GABRG3: variants seen among roughly 807,000 people sequenced by gnomAD.
GABRG3 encodes the protein gamma-aminobutyric acid receptor subunit gamma-3.
Under a neutral mutation model 48.8 loss-of-function variants are expected in GABRG3, and 25 were observed. That is an observed-to-expected ratio of 0.51 (90% CI 0.37 to 0.72). GABRG3 has a LOEUF of 0.72. GABRG3 is among the 30% of genes least tolerant of loss of function. The pLI is 0.00. For synonymous variants in GABRG3, 227 were observed against 217.6 expected, an observed-to-expected ratio of 1.04 and a Z score of -0.38; for missense variants, 394 against 577.9, an observed-to-expected ratio of 0.68 and a Z score of 3.26.
intron 3 of GABRG3, among the ~76,000 whole-genome samples, chr15:27,097,329 G>A (rs945238659): frequency 1.3e-5 from 2 of 152,010 alleles, no homozygotes; most frequent in African/African-American, 2.4e-5. Context: ...CTGGGTACTT[G>A]GGGCTTAGAA....
intron 5 of GABRG3, chr15:27,363,591 G>A (rs188275831): frequency 1.3e-5 from 2 of 152,058 alleles, no homozygotes; most frequent in Non-Finnish European, 2.9e-5. Context: ...GGATTCAGCA[G>A]AGGGAAAAAC....
chr15:27,509,902 C>A (rs976212867), intron 6 of GABRG3, among the ~76,000 whole-genome samples: 6 of 152,132 alleles, frequency 3.9e-5, no homozygotes, highest in Non-Finnish European at 7.3e-5. Context: ...TTTTGTATGT[C>A]CCATAATTTT....
intron 5 of GABRG3, among the ~76,000 whole-genome samples, chr15:27,408,271 G>A (rs1211311320): frequency 1.3e-5 from 2 of 152,186 alleles, no homozygotes; most frequent in African/African-American, 2.4e-5. Flanking sequence ...TAAGAGGACT[G>A]CCCTGGGGCC....
chr15:26,998,318 A>G (rs1250309931), intron 2 of GABRG3, among the ~76,000 whole-genome samples: 1 of 152,202 alleles, frequency 6.6e-6, no homozygotes, highest in Non-Finnish European at 1.5e-5. Context: ...GTTCCAAATG[A>G]TGCCATCCTC....
chr15:27,259,847 G>A (rs185784197), intron 3 of GABRG3, among the ~76,000 whole-genome samples: 119 of 152,264 alleles, frequency 7.8e-4, no homozygotes, highest in African/African-American at 2.7e-3. Flanking sequence ...AAGATCAAAC[G>A]CCAAATTCAA....
At chr15:27,170,758 CAAAT>C (rs1211133249) in intron 3 of GABRG3, among the ~76,000 whole-genome samples, 2 of 152,110 alleles carry the variant, frequency 1.3e-5, no homozygotes, top group African/African-American at 4.8e-5. Flanking sequence ...AAGAATGTAA[CAAAT>C]AAGATGTGGG....
intron 5 of GABRG3, among the ~76,000 whole-genome samples, chr15:27,405,079 A>G (rs1185351524): frequency 6.6e-6 from 1 of 152,230 alleles, no homozygotes; most frequent in African/African-American, 2.4e-5. Context: ...GCTTCCCCAG[A>G]AACCTGTTAT....
Position 26,971,405 on chromosome 15 carries a change from T to C in GABRG3, c.-131T>C. The C allele has an allele frequency of 3.0e-6, 2 of 666,942 alleles. No individual in the cohort carries two copies. Among genetic ancestry groups the C allele is most frequent in the East Asian group, 7.1e-5 (2 of 28,194 alleles). 41.3% of individuals were successfully genotyped at this position (666,942 alleles called of 1,614,324 possible). On this transcript the variant is annotated 5_prime_UTR_variant, in exon 1 of 10. Coordinates refer to ENST00000615808, the MANE Select transcript of GABRG3 (RefSeq NM_033223.5). ...CGCGGCCAGCGCCAGAGTAGATACC[T>C]GTCCCGCCCGCCGCGGCCAGCAGCC...
chr15:27,236,645 G>A lies in GABRG3; in HGVS notation c.271-90164G>A, dbSNP rs1755775391. Among the ~76,000 whole-genome samples the A allele has an allele frequency of 6.6e-6, 1 of 152,160 alleles. No individual in the cohort carries two copies. Reference sequence around the variant, plus strand: ...CCAGTTTCACAATACACCTGTTCCTGATTAGAGACCACCAGCCACAGAGTG... The same window carrying A: ...CCAGTTTCACAATACACCTGTTCCTAATTAGAGACCACCAGCCACAGAGTG... On this transcript the variant is annotated intron_variant, in intron 3 of 9. Transcript: ENST00000615808. This position sits in a 1 kb window ranked among gnomAD's most constrained non-coding sequence, Gnocchi z 4.4.
intron 2 of GABRG3, among the ~76,000 whole-genome samples, chr15:27,005,059 C>T (rs1895556491): frequency 6.6e-6 from 1 of 152,024 alleles, no homozygotes; most frequent in Non-Finnish European, 1.5e-5. Context: ...TTATTTTATT[C>T]TATTTTATTT....
chr15:27,308,029 GTT>G (rs1892741013), intron 3 of GABRG3, among the ~76,000 whole-genome samples: 1 of 135,672 alleles, frequency 7.4e-6, no homozygotes, highest in African/African-American at 2.7e-5. Flanking sequence ...AAATAAACAT[GTT>G]TATATGTAAA....
chr15:27,505,779 G>A (rs1890745648), intron 6 of GABRG3, among the ~76,000 whole-genome samples: 1 of 152,170 alleles, frequency 6.6e-6, no homozygotes, highest in Non-Finnish European at 1.5e-5. Flanking sequence ...AATAGAGTAA[G>A]TTGGGTATAG....
chr15:27,119,094 C>T (rs1325210692), intron 3 of GABRG3, among the ~76,000 whole-genome samples: 1 of 152,100 alleles, frequency 6.6e-6, no homozygotes, highest in Non-Finnish European at 1.5e-5. Flanking sequence ...TCCCTGTACC[C>T]GGAGGAAAGG....
intron 2 of GABRG3, among the ~76,000 whole-genome samples, chr15:26,996,654 T>A (rs955645962): frequency 4.0e-5 from 6 of 150,316 alleles, no homozygotes; most frequent in Non-Finnish European, 7.4e-5. Flanking sequence ...ATTTATTTTA[T>A]TTTAATTTTT....
At chr15:27,446,627 T>TA (rs1888954126) in intron 5 of GABRG3, among the ~76,000 whole-genome samples, 1 of 152,342 alleles carries the variant, frequency 6.6e-6, no homozygotes, top group East Asian at 1.9e-4. Context: ...TTATGTATTT[T>TA]ATTCTTTTTG....
Position 27,320,971 on chromosome 15 carries a change from C to T in GABRG3, c.271-5838C>T, listed in dbSNP as rs371624959. Among the ~76,000 whole-genome samples, 169 of 152,300 alleles carry T rather than the reference C, an allele frequency of 1.1e-3. 1 individual carries two copies. The highest frequency in any genetic ancestry group is 3.8e-3 in the African/African-American group (159 of 41,552). ...CACGTGCCCCTCTGTGGCAACAGGG[C>T]GTCACCCCCTGCTATGCTTCCCCGG... is the stretch of plus-strand genomic sequence containing the variant. On this transcript the variant is annotated intron_variant, in intron 3 of 9. Coordinates refer to ENST00000615808, the MANE Select transcript of GABRG3 (RefSeq NM_033223.5).
chr15:27,451,335 CAG>C (rs2140641598), intron 5 of GABRG3, among the ~76,000 whole-genome samples: 1 of 152,142 alleles, frequency 6.6e-6, no homozygotes, highest in Admixed American at 6.5e-5. Flanking sequence ...GACACAAAAA[CAG>C]AAACACAAAC....
rs781128159 is a variant in GABRG3, at chr15:27,519,865, G to T, written c.713-107G>T. On this transcript the variant is annotated intron_variant, in intron 6 of 9. Coordinates refer to ENST00000615808, the MANE Select transcript of GABRG3 (RefSeq NM_033223.5). Reference sequence around the variant, plus strand: ...CCTGATTTGATATTGTTGTAGTTGTGCATTTTTATCCAAGTCATTCACTTA... The same window carrying T: ...CCTGATTTGATATTGTTGTAGTTGTTCATTTTTATCCAAGTCATTCACTTA... The T allele has an allele frequency of 7.5e-5, 58 of 775,904 alleles. No homozygotes were observed. The Middle Eastern group carries it at 2.2e-3, about 30-fold the overall frequency. The allele number at this position is 775,904 out of a possible 1,614,324, so 48.1% of individuals were successfully genotyped here. A position where few individuals can be genotyped will look rare whatever the true frequency, so the allele number is the denominator to read the frequency against.
At chr15:27,264,266 TA>T (rs959890400) in intron 3 of GABRG3, among the ~76,000 whole-genome samples, 5 of 151,004 alleles carry the variant, frequency 3.3e-5, no homozygotes, top group Admixed American at 1.3e-4. Context: ...AAAATAAAAA[TA>T]AAAAAAAATC....
Sources: allele counts gnomAD v4.1 joint callset (sites outside exome capture counted in the v4.1 genomes callset), GRCh38; gene constraint gnomAD v4.1.1; non-coding constraint Gnocchi (gnomAD v3.1); transcripts MANE v1.5; gene names NCBI Gene and HGNC (gene_info 2026-07-23, HGNC 2026-07-21).